The following RAPGEF6 variants were observed in gnomAD, a reference collection of about 807,000 sequenced individuals.
RAPGEF6 encodes Rap guanine nucleotide exchange factor 6.
A neutral mutation model predicts 171.4 loss-of-function variants in RAPGEF6; 56 were observed. The observed-to-expected ratio is 0.33, with a 90% CI of 0.26 to 0.41. RAPGEF6 has a LOEUF of 0.41. Among genes scored for constraint, RAPGEF6 ranks in the 10% least tolerant of loss-of-function variants. The probability of loss-of-function intolerance (pLI) is 1.00; values close to 1 mark genes in which losing one functional copy is unlikely to be tolerated. For synonymous variants in RAPGEF6, 692 were observed against 650.1 expected, an observed-to-expected ratio of 1.06 and a Z score of -0.98; for missense variants, 1,674 against 1,921.4, an observed-to-expected ratio of 0.87 and a Z score of 2.41.
At chr5:131,550,228 C>T (rs576889023) in intron 5 of RAPGEF6, among the ~76,000 whole-genome samples, 1 of 152,260 alleles carries the variant, frequency 6.6e-6, no homozygotes, top group South Asian at 2.1e-4. Flanking sequence ...CAATTCTATC[C>T]TGCAGGGTCA....
chr5:131,583,247 G>GGGA lies in RAPGEF6; in HGVS notation c.281+9133_281+9135dup, dbSNP rs1318852893. 5.3e-5 allele frequency among the ~76,000 whole-genome samples: 8 copies of GGGA among 152,160 alleles called. 1 individual carries two copies. The highest frequency in any genetic ancestry group is 1.3e-4 in the Admixed American group (2 of 15,278). ...ACTGAGTTCCCAGCCATGATGGGAA[G>GGGA]GGAGGTCAGACATGCCTTGTTATAT... On this transcript the variant is annotated intron_variant, in intron 4 of 27. Coordinates refer to ENST00000509018, the MANE Select transcript of RAPGEF6 (RefSeq NM_016340.6).
intron 24 of RAPGEF6, among the ~76,000 whole-genome samples, 183 bp from the exon 25 acceptor site, chr5:131,433,841 CA>C (rs1387307784): frequency 6.6e-6 from 1 of 152,010 alleles, no homozygotes; most frequent in Admixed American, 6.6e-5. Context: ...CCTACATAAC[CA>C]TTTGCCTACT....
intron 3 of RAPGEF6, among the ~76,000 whole-genome samples, chr5:131,593,490 G>A (rs189874670): frequency 5.9e-5 from 9 of 152,326 alleles, no homozygotes; most frequent in Non-Finnish European, 4.4e-5. Flanking sequence ...CTGGGTAACG[G>A]GCAGAGGCTG....
At chr5:131,554,338 T>C (rs1761100109) in intron 5 of RAPGEF6, among the ~76,000 whole-genome samples, 1 of 152,164 alleles carries the variant, frequency 6.6e-6, no homozygotes, top group Admixed American at 6.5e-5. Flanking sequence ...AGTGTTACTA[T>C]TAGGACGGTC....
Position 131,472,632 on chromosome 5 carries a change from G to T in RAPGEF6, c.2194C>A (p.Leu732Ile), listed in dbSNP as rs774387826. Residue 732 changes from leucine to isoleucine, a missense_variant, in exon 17 of 28, where the codon CTC (leucine) becomes ATC (isoleucine). Transcript: ENST00000509018. ...PGTLSSSSPD[L>I]LQPTTSMLDF... ...AACATACTGGTGGTAGGCTGCAGGA[G>T]ATCAGGGCTGCTGGATGAGAGTGTT... 1.9e-6 allele frequency: 3 copies of T among 1,614,108 alleles called. No homozygotes were observed. In the East Asian group the frequency reaches 6.7e-5, roughly 36 times the overall value.
intron 25 of RAPGEF6, among the ~76,000 whole-genome samples, chr5:131,432,321 T>C (rs1313132509): frequency 6.6e-6 from 1 of 152,118 alleles, no homozygotes; most frequent in Non-Finnish European, 1.5e-5. Context: ...TTGCTCGTTT[T>C]TGTAAATAAA....
Position 131,550,077 on chromosome 5 carries a change from TCTCA to T in RAPGEF6, c.352-1891_352-1888del, listed in dbSNP as rs1168929666. 5.3e-5 allele frequency among the ~76,000 whole-genome samples: 8 copies of T among 152,256 alleles called. No homozygotes were observed. In the East Asian group the frequency reaches 1.5e-3, roughly 29 times the overall value. On this transcript the variant is annotated intron_variant, in intron 5 of 27. Transcript: ENST00000509018. ...CTTCCAAATCTTTGGTTCAATTCTC[TCTCA>T]GATTGTCAGTTCTCTATAAATCTCT...
At chr5:131,488,842 T>C (rs1756098879) in intron 15 of RAPGEF6, among the ~76,000 whole-genome samples, 1 of 152,216 alleles carries the variant, frequency 6.6e-6, no homozygotes, top group Non-Finnish European at 1.5e-5. Context: ...TTTCAATTGC[T>C]GTATGATTTT....
chr5:131,496,727 G>C (rs1255882450), intron 12 of RAPGEF6, among the ~76,000 whole-genome samples: 1 of 152,080 alleles, frequency 6.6e-6, no homozygotes, highest in Non-Finnish European at 1.5e-5. Flanking sequence ...TTATTGTACG[G>C]CTATACCACA....
intron 23 of RAPGEF6, 111 bp downstream of exon 23, chr5:131,442,238 A>G: frequency 9.5e-7 from 1 of 1,049,002 alleles, no homozygotes; most frequent in Non-Finnish European, 1.3e-6. Flanking sequence ...AGTGACGATT[A>G]TATTACACAA....
At chr5:131,493,060 TTTA>T (rs1220448583) in intron 13 of RAPGEF6, among the ~76,000 whole-genome samples, 1 of 152,012 alleles carries the variant, frequency 6.6e-6, no homozygotes, top group Non-Finnish European at 1.5e-5. Context: ...TATTTATTTA[TTTA>T]TTTATTTATT....
intron 15 of RAPGEF6, among the ~76,000 whole-genome samples, chr5:131,481,776 T>G (rs893522470): frequency 1.3e-5 from 2 of 152,210 alleles, no homozygotes; most frequent in African/African-American, 4.8e-5. Flanking sequence ...TGGTTGCATA[T>G]TCTTAGAATA....
In RAPGEF6 at chr5:131,442,003, A is replaced by G. The variant is rs533687417; in HGVS notation, c.3610+346T>C. Among the ~76,000 whole-genome samples, 6 of 152,336 alleles carry G rather than the reference A, an allele frequency of 3.9e-5. No homozygotes were observed. In the East Asian group the frequency reaches 9.7e-4, roughly 25 times the overall value. On this transcript the variant is annotated intron_variant, in intron 23 of 27. Transcript: ENST00000509018. ...AACAACGTATAGTCATTTTTGGAAT[A>G]AGCAACTTCATTTCCACAGTTTTTG...
At chr5:131,454,116 T>C (rs913773958) in intron 20 of RAPGEF6, among the ~76,000 whole-genome samples, 1 of 152,212 alleles carries the variant, frequency 6.6e-6, no homozygotes, top group Non-Finnish European at 1.5e-5. Context: ...ACACCCTGTC[T>C]TTTGAGGTAA....
At chr5:131,433,337 C>G (rs1312209259) in intron 25 of RAPGEF6, 93 bp downstream of exon 25, 3 of 1,039,824 alleles carry the variant, frequency 2.9e-6, no homozygotes, top group East Asian at 4.8e-5. Flanking sequence ...CTGCAATTAC[C>G]CCATGGGAGG....
At chr5:131,590,421 AT>A (rs923984942) in intron 4 of RAPGEF6, among the ~76,000 whole-genome samples, 1 of 152,192 alleles carries the variant, frequency 6.6e-6, no homozygotes, top group African/African-American at 2.4e-5. Context: ...TAATAAAAAA[AT>A]CAAACTTCAC....
chr5:131,442,800 T>G (rs1422070809), intron 22 of RAPGEF6, among the ~76,000 whole-genome samples: 1 of 152,204 alleles, frequency 6.6e-6, no homozygotes, highest in East Asian at 1.9e-4. Context: ...TTATTTTTTA[T>G]TTTTTGAGAT....
At chr5:131,544,015 T>C (rs1312421624) in intron 6 of RAPGEF6, among the ~76,000 whole-genome samples, 1 of 152,030 alleles carries the variant, frequency 6.6e-6, no homozygotes, top group Admixed American at 6.6e-5. Flanking sequence ...CACTACCTAT[T>C]AAAAATTTTA....
intron 4 of RAPGEF6, among the ~76,000 whole-genome samples, chr5:131,563,265 A>G (rs1198302808): frequency 1.3e-5 from 2 of 152,162 alleles, no homozygotes; most frequent in Admixed American, 1.3e-4. Flanking sequence ...TCATTCAAAC[A>G]AAACAAAATA....
Sources: allele counts gnomAD v4.1 joint callset (sites outside exome capture counted in the v4.1 genomes callset), GRCh38; gene constraint gnomAD v4.1.1; transcripts MANE v1.5; gene names NCBI Gene and HGNC (gene_info 2026-07-23, HGNC 2026-07-21).